Variants in MAST4 observed in about 807,000 individuals in gnomAD.
MAST4 encodes microtubule associated serine/threonine kinase family member 4, also known as microtubule-associated serine/threonine-protein kinase 4.
A neutral mutation model predicts 162.7 loss-of-function variants in MAST4; 89 were observed. The ratio of observed to expected loss-of-function variants is 0.55; its 90% CI spans 0.46 to 0.65. The LOEUF (loss-of-function observed/expected upper bound fraction) is 0.65, where lower values mean the gene tolerates loss of function less well. Among genes scored for constraint, MAST4 ranks in the 30% least tolerant of loss-of-function variants. MAST4 has a pLI of 0.00. For synonymous variants in MAST4, 1,479 were observed against 1,361.1 expected (o/e 1.09, Z -1.91); for missense variants, 3,153 against 3,374.0 (o/e 0.93, Z 1.62).
chr5:66,762,103 C>T (rs921905861), intron 2 of MAST4, among the ~76,000 whole-genome samples: 1 of 152,096 alleles, frequency 6.6e-6, no homozygotes, highest in African/African-American at 2.4e-5. Flanking sequence ...TGGCCTTTAG[C>T]TTTGAAAATA....
At chr5:66,858,645 T>A (rs924567862) in intron 3 of MAST4, among the ~76,000 whole-genome samples, 2 of 152,218 alleles carry the variant, frequency 1.3e-5, no homozygotes, top group Non-Finnish European at 2.9e-5. Context: ...TAGAATTGAT[T>A]TAGATATTTT....
chr5:66,875,240 G>T (rs1419429734), intron 3 of MAST4, among the ~76,000 whole-genome samples: 1 of 152,174 alleles, frequency 6.6e-6, no homozygotes, highest in Non-Finnish European at 1.5e-5. Context: ...AAGACTGGTT[G>T]CCATAATTAT....
chr5:66,693,700 T>A lies in MAST4; in HGVS notation c.364-66009T>A, dbSNP rs79728819. ...ATGCTATCAAATGTCTTAAGATTATTAAACAAAGAGCTAGACGCTATCAAA... is the reference window on the plus strand; with the variant it reads ...ATGCTATCAAATGTCTTAAGATTATAAAACAAAGAGCTAGACGCTATCAAA... On this transcript the variant is annotated intron_variant, in intron 1 of 28. Transcript: ENST00000403625. Among the ~76,000 whole-genome samples, 4 of 151,930 alleles carry A rather than the reference T, an allele frequency of 2.6e-5. No individual in the cohort carries two copies. In the East Asian group the frequency reaches 5.8e-4, roughly 22 times the overall value.
At chr5:67,133,744 C>CT in intron 17 of MAST4, 98 bp downstream of exon 17, 2 of 1,344,948 alleles carry the variant, frequency 1.5e-6, no homozygotes. Flanking sequence ...CACATTAGTG[C>CT]TGGTGGTTTA....
intron 4 of MAST4, among the ~76,000 whole-genome samples, chr5:66,923,659 C>T (rs1458678645): frequency 6.6e-6 from 1 of 152,170 alleles, no homozygotes; most frequent in Non-Finnish European, 1.5e-5. Flanking sequence ...ACTCATGCTT[C>T]TTCTCAGTAT....
At position 67,164,346 on chromosome 5, in the gene MAST4, G is replaced by A. The variant is rs779290997; in HGVS notation, c.5167G>A (p.Val1723Ile). 1 of 1,613,958 alleles carries A rather than the reference G, an allele frequency of 6.2e-7. No homozygotes were observed. Among genetic ancestry groups the A allele is most frequent in the Non-Finnish European group, 8.5e-7 (1 of 1,179,870 alleles). Residue 1723 changes from valine to isoleucine, a missense_variant, in exon 29 of 29, where the codon GTC (valine) becomes ATC (isoleucine). By Grantham distance (29) the Val-to-Ile change is conservative. This residue lies in a region of MAST4 where 1,644 missense variants were observed against 1,495.0 expected (regional missense o/e 1.10). Transcript: ENST00000403625. The surrounding 1 kb of genome is among the most constrained non-coding windows in gnomAD (Gnocchi z 5.3). The part of the protein sequence containing the change: ...GSHECLPGNP[V>I]RPTGGQQEPP... ...CCACGAATGCCTGCCAGGGAACCCA[G>A]TCCGACCCACGGGTGGGCAGCAGGA...
Position 66,597,015 on chromosome 5 carries a change from G to C in MAST4, c.360G>C (p.Glu120Asp). Residue 120 changes from glutamate (E) to aspartate (D), a missense_variant, in exon 1 of 29, where the codon GAG becomes GAC. Glu to Asp is a conservative substitution (Grantham distance 45). Around this residue, in one of 7 missense-constraint regions of MAST4, gnomAD observed 327 missense variants for 336.5 expected, o/e 0.97. Coordinates refer to ENST00000403625, the MANE Select transcript of MAST4 (RefSeq NM_001164664.2). ...GCGCGTCCCAGGAGGAGCAGGACGA[G>C]GAGGTGGGCCTTTCCCCAGCTTGCC... ...GSSASQEEQD[E>D]ELDHILSPPP... 5 of 1,444,702 alleles carry C rather than the reference G, an allele frequency of 3.5e-6. No homozygotes were observed. The highest frequency in any genetic ancestry group is 4.5e-6 in the Non-Finnish European group (5 of 1,104,804). 89.5% of individuals were successfully genotyped at this position (1,444,702 alleles called of 1,614,324 possible).
chr5:66,963,687 G>A (rs1251126585), intron 4 of MAST4: 8 of 779,696 alleles, frequency 1.0e-5, no homozygotes. Context: ...CACTTGGAAT[G>A]ACGTTATTTT....
At chr5:67,079,864 G>C (rs1487980532) in intron 5 of MAST4, among the ~76,000 whole-genome samples, 2 of 152,010 alleles carry the variant, frequency 1.3e-5, no homozygotes, top group African/African-American at 4.8e-5. Flanking sequence ...CCACATGCTG[G>C]GTCTCTCTTC....
chr5:66,812,174 C>G (rs1380120730), intron 3 of MAST4, among the ~76,000 whole-genome samples: 1 of 152,102 alleles, frequency 6.6e-6, no homozygotes, highest in Non-Finnish European at 1.5e-5. Context: ...CCATTGGGTA[C>G]AGAGCTGACC....
intron 4 of MAST4, among the ~76,000 whole-genome samples, chr5:66,996,604 C>T (rs538362406): frequency 3.9e-5 from 6 of 152,234 alleles, no homozygotes; most frequent in South Asian, 2.1e-4. Flanking sequence ...CCTCTAGAAG[C>T]GCTGAGGTGG....
At chr5:66,642,476 TATTC>T (rs1224816904) in intron 1 of MAST4, among the ~76,000 whole-genome samples, 1 of 152,250 alleles carries the variant, frequency 6.6e-6, no homozygotes, top group Non-Finnish European at 1.5e-5. Flanking sequence ...AAGGAATTAC[TATTC>T]ATTTTTTTAG....
At chr5:66,711,591 T>C (rs13164407) in intron 1 of MAST4, among the ~76,000 whole-genome samples, 40,251 of 152,104 alleles carry the variant, frequency 0.26, 5,953 homozygotes, top group East Asian at 0.55. Flanking sequence ...TCCCAGCAAT[T>C]TGGGAGGCCA....
At chr5:67,073,372 C>CA (rs1455023839) in intron 5 of MAST4, among the ~76,000 whole-genome samples, 8 of 151,644 alleles carry the variant, frequency 5.3e-5, no homozygotes, top group East Asian at 3.9e-4. Flanking sequence ...CTTAAAAACT[C>CA]AAAAAAAACC....
intron 11 of MAST4, among the ~76,000 whole-genome samples, chr5:67,113,618 G>A (rs1044640189): frequency 2.0e-5 from 3 of 151,850 alleles, no homozygotes; most frequent in Non-Finnish European, 4.4e-5. Context: ...AATGTTTTTG[G>A]ATACGTCTAT....
At chr5:67,125,710 T>A (rs964073175) in intron 14 of MAST4, among the ~76,000 whole-genome samples, 2 of 152,128 alleles carry the variant, frequency 1.3e-5, no homozygotes, top group Non-Finnish European at 2.9e-5. Context: ...CCACAATAAA[T>A]ATACGTGTGC....
intron 1 of MAST4, among the ~76,000 whole-genome samples, chr5:66,711,695 C>A (rs1041499311): frequency 6.6e-6 from 1 of 152,104 alleles, no homozygotes; most frequent in African/African-American, 2.4e-5. Flanking sequence ...ATTAGCTGGG[C>A]ATGGTGGTGG....
intron 4 of MAST4, among the ~76,000 whole-genome samples, chr5:66,957,887 C>T (rs1158682786): frequency 6.6e-6 from 1 of 152,220 alleles, no homozygotes; most frequent in African/African-American, 2.4e-5. Flanking sequence ...TCCTACTTCC[C>T]TCCTTGCCCA....
chr5:66,619,531 T>C (rs1220014331), intron 1 of MAST4, among the ~76,000 whole-genome samples: 1 of 152,206 alleles, frequency 6.6e-6, no homozygotes, highest in African/African-American at 2.4e-5. Context: ...GATGTGTGCT[T>C]GTGAATCTAT....
Sources: gnomAD v4.1 joint callset for allele counts (sites outside exome capture counted in the v4.1 genomes callset) on GRCh38, gnomAD v4.1.1 for gene constraint, gnomAD v4.1.1 regional missense constraint, Gnocchi (gnomAD v3.1) non-coding constraint, MANE v1.5 for transcripts, NCBI Gene and HGNC (gene_info 2026-07-23, HGNC 2026-07-21) for gene names.